TMEM181: variants seen among roughly 807,000 people sequenced by gnomAD.
TMEM181 encodes transmembrane protein 181.
A neutral mutation model predicts 71.9 loss-of-function variants in TMEM181; 39 were observed. The ratio of observed to expected loss-of-function variants is 0.54; its 90% CI spans 0.42 to 0.71. The LOEUF (loss-of-function observed/expected upper bound fraction) is 0.71, where lower values mean the gene tolerates loss of function less well. Ranked by LOEUF, TMEM181 falls within the 30% of genes least tolerant of loss-of-function variation. TMEM181 has a pLI of 0.00. For synonymous variants in TMEM181, 245 were observed against 228.8 expected, an observed-to-expected ratio of 1.07 and a Z score of -0.64; for missense variants, 595 against 583.0, an observed-to-expected ratio of 1.02 and a Z score of -0.21.
In TMEM181 at chr6:158,635,217, GTAAAA is replaced by G. The variant is rs1023499957; in HGVS notation, c.*3338_*3342del. On this transcript the variant is annotated 3_prime_UTR_variant, in exon 17 of 17. Transcript: ENST00000684151. ...TTTTACAAAATGACTGTAAATATTT[GTAAAA>G]TAAAATAACACTAAACTTTAAGCCC... The G allele has an allele frequency of 5.3e-5, 8 of 152,138 alleles. No individual in the cohort carries two copies. Among genetic ancestry groups the G allele is most frequent in the Non-Finnish European group, 1.2e-4 (8 of 68,018 alleles). 9.4% of individuals were successfully genotyped at this position (152,138 alleles called of 1,614,324 possible). A position where few individuals can be genotyped will look rare whatever the true frequency, so the allele number is the denominator to read the frequency against.
chr6:158,567,570 G>T (rs1782581009), intron 1 of TMEM181, among the ~76,000 whole-genome samples: 1 of 152,206 alleles, frequency 6.6e-6, no homozygotes, highest in Non-Finnish European at 1.5e-5. Context: ...CTGGATGCTG[G>T]GTGGGATTGA....
intron 11 of TMEM181, among the ~76,000 whole-genome samples, chr6:158,624,051 T>A (rs544581945): frequency 6.6e-6 from 1 of 152,326 alleles, no homozygotes; most frequent in South Asian, 2.1e-4. Flanking sequence ...CGTGAGCCAC[T>A]GTACCCGGCA....
chr6:158,544,622 C>T (rs1209126017), intron 1 of TMEM181, among the ~76,000 whole-genome samples: 2 of 152,298 alleles, frequency 1.3e-5, no homozygotes, highest in South Asian at 2.1e-4. Context: ...GGGGCAAACC[C>T]CTGAGCTCTT....
chr6:158,558,332 A>AT (rs1182122089), upstream of TMEM181, among the ~76,000 whole-genome samples: 5 of 152,090 alleles, frequency 3.3e-5, no homozygotes, highest in Non-Finnish European at 7.4e-5. Context: ...GGTTTAAGAT[A>AT]TTTTTTCGAA....
At chr6:158,541,898 CTTTTTTTTTTTTTT>C (rs10583860) in intron 1 of TMEM181, among the ~76,000 whole-genome samples, 1 of 66,624 alleles carries the variant, frequency 1.5e-5, no homozygotes, top group Non-Finnish European at 2.7e-5. Flanking sequence ...GGGATTTTAT[CTTTTTTTTTTTTTT>C]TTTTTTTTTT....
intron 6 of TMEM181, among the ~76,000 whole-genome samples, chr6:158,600,457 AAT>A (rs1784608054): frequency 1.3e-5 from 1 of 76,486 alleles, no homozygotes; most frequent in Non-Finnish European, 2.5e-5. Context: ...GCCTAGGGTT[AAT>A]TTTTTTTTTT....
rs751953421 is a variant in TMEM181 at position 158,589,688 on chromosome 6, T to C, written c.398T>C (p.Ile133Thr). ...TATTTGCAGAAATGTGCGGAGATTA[T>C]TGTGGCTCACCTTGGCTACCTGAAC... ...LTCAGKCAEI[I>T]VAHLGYLNYT... Residue 133 changes from isoleucine (I) to threonine (T), a missense_variant, in exon 6 of 17, where the codon ATT becomes ACT. By Grantham distance (89) the Ile-to-Thr change is moderately conservative. Coordinates refer to ENST00000684151, the MANE Select transcript of TMEM181 (RefSeq NM_001376852.1). The C allele has an allele frequency of 1.2e-6, 2 of 1,614,080 alleles. No individual in the cohort carries two copies. Among genetic ancestry groups the C allele is most frequent in the East Asian group, 2.2e-5 (1 of 44,880 alleles).
At chr6:158,583,190 G>A (rs929210328) in intron 3 of TMEM181, among the ~76,000 whole-genome samples, 1 of 151,878 alleles carries the variant, frequency 6.6e-6, no homozygotes, top group African/African-American at 2.4e-5. Context: ...CCGAGATCAC[G>A]CCCCTGCTCT....
At chr6:158,598,088 T>C (rs1001199915) in intron 6 of TMEM181, among the ~76,000 whole-genome samples, 1 of 152,222 alleles carries the variant, frequency 6.6e-6, no homozygotes, top group Non-Finnish European at 1.5e-5. Context: ...GGATGACGCT[T>C]ACCTCCTGTG....
At chr6:158,597,803 G>T (rs1784461463) in intron 6 of TMEM181, among the ~76,000 whole-genome samples, 1 of 152,122 alleles carries the variant, frequency 6.6e-6, no homozygotes, top group Non-Finnish European at 1.5e-5. Context: ...ACTGCACCGT[G>T]CCCCTCTACC....
intron 1 of TMEM181, among the ~76,000 whole-genome samples, chr6:158,561,944 G>A (rs1244443962): frequency 6.6e-6 from 1 of 152,198 alleles, no homozygotes; most frequent in Non-Finnish European, 1.5e-5. Context: ...TCCGAAGTGC[G>A]TCCTGGACTT....
At chr6:158,605,137 T>G (rs1446760328) in intron 6 of TMEM181, 130 bp from the exon 7 acceptor site, 19 of 372,418 alleles carry the variant, frequency 5.1e-5, no homozygotes, top group Admixed American at 8.0e-5. Context: ...AAAAAGTGTG[T>G]GTGTGTGTGT....
intron 13 of TMEM181, chr6:158,628,194 A>G: frequency 5.8e-6 from 4 of 689,924 alleles, no homozygotes; most frequent in Non-Finnish European, 1.1e-5. Flanking sequence ...GGTCTAGCCC[A>G]CCTAGATCCG....
Position 158,608,666 on chromosome 6 carries a change from G to T in TMEM181, c.812G>T (p.Arg271Ile), listed in dbSNP as rs139585306. The T allele has an allele frequency of 1.0e-5, 16 of 1,606,412 alleles. No homozygotes were observed. In the East Asian group the frequency reaches 3.6e-4, roughly 36 times the overall value. ...TTATTTTTTTCTTTTTAGGGAGAAA[G>T]AAAGTGTTTAACTTTCTATTTGCCT... ...VYHGIRVQGE[R>I]KCLTFYLPKF... The change falls in exon 10 of 17, where the codon AGA becomes ATA. Residue 271 changes from arginine to isoleucine, a missense_variant. Transcript: ENST00000684151.
chr6:158,571,555 C>A lies in TMEM181; in HGVS notation c.9-1865C>A, dbSNP rs1365656711. ...CCTCGTGATCCGCCCGCCTTGGCCT[C>A]CCAAAGTGCTGGGATTATAGGCATG... On this transcript the variant is annotated intron_variant, in intron 1 of 16. Coordinates refer to ENST00000684151, the MANE Select transcript of TMEM181 (RefSeq NM_001376852.1). Among the ~76,000 whole-genome samples, 5 of 151,456 alleles carry A rather than the reference C, an allele frequency of 3.3e-5. 1 individual carries two copies. The highest frequency in any genetic ancestry group is 7.4e-5 in the Non-Finnish European group (5 of 67,748).
At chr6:158,539,411 G>C (rs1356567651) in intron 1 of TMEM181, among the ~76,000 whole-genome samples, 2 of 152,146 alleles carry the variant, frequency 1.3e-5, no homozygotes, top group African/African-American at 4.8e-5. Context: ...TTACAGCTCC[G>C]CATCTGTCTA....
intron 1 of TMEM181, among the ~76,000 whole-genome samples, chr6:158,546,345 T>A (rs886831461): frequency 6.6e-6 from 1 of 152,244 alleles, no homozygotes; most frequent in Non-Finnish European, 1.5e-5. Flanking sequence ...GCTAGAGGCA[T>A]TGATAGGCAC....
chr6:158,570,482 C>A (rs1016562012), intron 1 of TMEM181, among the ~76,000 whole-genome samples: 26 of 152,038 alleles, frequency 1.7e-4, no homozygotes, highest in Admixed American at 1.4e-3. Context: ...ACCTCGTGAT[C>A]CGCCCGCCTT....
At chr6:158,589,182 G>C (rs567065010) in intron 5 of TMEM181, among the ~76,000 whole-genome samples, 1 of 152,218 alleles carries the variant, frequency 6.6e-6, no homozygotes, top group Non-Finnish European at 1.5e-5. Context: ...GAGAGAGCAG[G>C]ATGGAGAGGA....
Sources: allele counts gnomAD v4.1 joint callset (sites outside exome capture counted in the v4.1 genomes callset), GRCh38; gene constraint gnomAD v4.1.1; transcripts MANE v1.5; gene names NCBI Gene and HGNC (gene_info 2026-07-23, HGNC 2026-07-21).